Variants in MAP4K4 observed in about 807,000 individuals in gnomAD.
MAP4K4 encodes HPK/GCK-like kinase HGK.
A neutral mutation model predicts 189.6 loss-of-function variants in MAP4K4; 38 were observed. The ratio of observed to expected loss-of-function variants is 0.20; its 90% CI spans 0.15 to 0.26. The LOEUF (loss-of-function observed/expected upper bound fraction) is 0.26, where lower values mean the gene tolerates loss of function less well. MAP4K4 is among the 10% of genes least tolerant of loss of function. The pLI is 1.00. For synonymous variants in MAP4K4, 610 were observed against 624.3 expected (o/e 0.98, Z 0.34); for missense variants, 1,054 against 1,726.9 (o/e 0.61, Z 6.91).
At chr2:101,727,759 A>G (rs921057398) in intron 2 of MAP4K4, among the ~76,000 whole-genome samples, 2 of 152,240 alleles carry the variant, frequency 1.3e-5, no homozygotes, top group South Asian at 2.1e-4. Flanking sequence ...ACCTGAGGTC[A>G]GGTGTTCAAG....
intron 3 of MAP4K4, among the ~76,000 whole-genome samples, chr2:101,814,105 G>A (rs2095583041): frequency 6.6e-6 from 1 of 152,188 alleles, no homozygotes; most frequent in South Asian, 2.1e-4. Flanking sequence ...CCCAGTATTA[G>A]GAAATGATTC....
rs187469404 is a variant in MAP4K4, at chr2:101,719,741, G to T, written c.123+21203G>T. On this transcript the variant is annotated intron_variant, in intron 2 of 32. Transcript: ENST00000324219. ...GAGTTCAAAAAGGGGGCCAGGCGTG[G>T]TGGCTCACGCCTGTAATCCCAGTGC... Among the ~76,000 whole-genome samples the T allele has an allele frequency of 1.9e-3, 295 of 152,354 alleles. 1 individual carries two copies. The highest frequency in any genetic ancestry group is 0.011 in the East Asian group (58 of 5,186).
intron 2 of MAP4K4, among the ~76,000 whole-genome samples, chr2:101,733,277 G>T (rs952570065): frequency 6.6e-6 from 1 of 152,188 alleles, no homozygotes; most frequent in African/African-American, 2.4e-5. Flanking sequence ...ATGAGGAAAG[G>T]CCTCACTCTT....
chr2:101,767,605 C>T (rs2079169230), intron 2 of MAP4K4, among the ~76,000 whole-genome samples: 1 of 152,188 alleles, frequency 6.6e-6, no homozygotes, highest in Non-Finnish European at 1.5e-5. Context: ...CAGTGCTAAT[C>T]ATTTGGTGTG....
chr2:101,887,168 A>G (rs759606727), exon 30 of MAP4K4: 105 of 1,611,844 alleles, frequency 6.5e-5, no homozygotes, highest in Non-Finnish European at 8.2e-5. Context: ...TGATCTATGG[A>G]TCCTGTGCTG....
chr2:101,733,237 A>G (rs1156778713), intron 2 of MAP4K4, among the ~76,000 whole-genome samples: 1 of 152,208 alleles, frequency 6.6e-6, no homozygotes, highest in Non-Finnish European at 1.5e-5. Context: ...ACTCCGAGGA[A>G]GGAAATGGCG....
intron 3 of MAP4K4, among the ~76,000 whole-genome samples, chr2:101,796,187 A>G (rs2093665789): frequency 6.6e-6 from 1 of 152,044 alleles, no homozygotes; most frequent in Non-Finnish European, 1.5e-5. Context: ...TTTCTCAGCC[A>G]CTCGGGCATA....
chr2:101,834,348 A>G (rs2096680524), intron 7 of MAP4K4, 61 bp from the exon 8 acceptor site: 1 of 1,263,844 alleles, frequency 7.9e-7, no homozygotes, highest in Non-Finnish European at 1.1e-6. Flanking sequence ...ATACCCAGAC[A>G]TGTAAGTTAG....
chr2:101,779,081 C>A (rs2085875467), intron 2 of MAP4K4, among the ~76,000 whole-genome samples: 1 of 152,020 alleles, frequency 6.6e-6, no homozygotes, highest in African/African-American at 2.4e-5. Context: ...TTCTGTGTGC[C>A]AGGCACAATA....
chr2:101,786,067 C>T (rs941557839), intron 2 of MAP4K4, among the ~76,000 whole-genome samples: 7 of 152,182 alleles, frequency 4.6e-5, no homozygotes, highest in Admixed American at 2.0e-4. Context: ...CTGAAGTGAT[C>T]GCCTGCCTTG....
At chr2:101,700,068 G>C (rs1018508610) in intron 2 of MAP4K4, among the ~76,000 whole-genome samples, 1 of 152,176 alleles carries the variant, frequency 6.6e-6, no homozygotes, top group African/African-American at 2.4e-5. Flanking sequence ...TCTTCCAAGT[G>C]AATTAGCCAG....
At chr2:101,757,743 G>C (rs187143652) in intron 2 of MAP4K4, among the ~76,000 whole-genome samples, 17 of 152,340 alleles carry the variant, frequency 1.1e-4, no homozygotes, top group Admixed American at 3.3e-4. Context: ...AAATAGGCTG[G>C]ATGTGGTGGC....
intron 12 of MAP4K4, among the ~76,000 whole-genome samples, chr2:101,848,759 C>T (rs2097188544): frequency 6.6e-6 from 1 of 152,174 alleles, no homozygotes; most frequent in South Asian, 2.1e-4. Context: ...CTGATAACTG[C>T]TGCTGCTGGT....
intron 29 of MAP4K4, 95 bp from the exon 30 acceptor site, chr2:101,886,993 C>G (rs1274579978): frequency 8.4e-6 from 8 of 951,702 alleles, no homozygotes; most frequent in East Asian, 2.9e-5. Flanking sequence ...CCACTGCACT[C>G]CAGCCTGGGT....
At chr2:101,891,407 T>C in exon 33 of MAP4K4, 1 of 612,264 alleles carries the variant, frequency 1.6e-6, no homozygotes, top group Non-Finnish European at 2.9e-6. Flanking sequence ...TTCCTGTTCC[T>C]CTTATATACC....
chr2:101,879,418 GTTAACAT>G (rs1305467401), intron 27 of MAP4K4, among the ~76,000 whole-genome samples: 1 of 151,684 alleles, frequency 6.6e-6, no homozygotes, highest in Non-Finnish European at 1.5e-5. Context: ...GATAACTCTT[GTTAACAT>G]TTTATATTTC....
intron 12 of MAP4K4, among the ~76,000 whole-genome samples, chr2:101,854,549 C>T (rs1191483498): frequency 6.6e-6 from 1 of 152,080 alleles, no homozygotes; most frequent in Non-Finnish European, 1.5e-5. Flanking sequence ...ACTGGACTAC[C>T]AAATCATCGT....
intron 2 of MAP4K4, among the ~76,000 whole-genome samples, chr2:101,727,443 G>T (rs1036039697): frequency 6.6e-6 from 1 of 152,148 alleles, no homozygotes; most frequent in Non-Finnish European, 1.5e-5. Context: ...AGTCAGTGAG[G>T]TTGTCTTTTG....
intron 3 of MAP4K4, among the ~76,000 whole-genome samples, chr2:101,796,642 T>C (rs2093726448): frequency 6.6e-6 from 1 of 152,214 alleles, no homozygotes; most frequent in African/African-American, 2.4e-5. Flanking sequence ...ACTTCTCCTT[T>C]TTAAAATTTG....
Sources: allele counts gnomAD v4.1 joint callset (sites outside exome capture counted in the v4.1 genomes callset), GRCh38; gene constraint gnomAD v4.1.1; transcripts MANE v1.5; gene names NCBI Gene and HGNC (gene_info 2026-07-23, HGNC 2026-07-21).